MEIS2: variants seen among roughly 807,000 people sequenced by gnomAD.
MEIS2 encodes the protein Meis homeobox 2, also known as homeobox protein Meis2.
In MEIS2, 9 loss-of-function variants were observed where a neutral mutation model predicts 58.6. The observed-to-expected ratio is 0.15, with a 90% CI of 0.09 to 0.27. The LOEUF is 0.27. Among genes scored for constraint, MEIS2 ranks in the 10% least tolerant of loss-of-function variants. The pLI is 1.00. For missense variants in MEIS2, 427 were observed against 635.0 expected, an observed-to-expected ratio of 0.67 and a Z score of 3.52; for synonymous variants, 221 against 228.4, an observed-to-expected ratio of 0.97 and a Z score of 0.29.
At position 37,098,219 on chromosome 15, in the gene MEIS2, G is replaced by A; in HGVS notation, c.13-20C>T. 6.4e-7 allele frequency: 1 copy of A among 1,569,754 alleles called. No individual in the cohort carries two copies. Among genetic ancestry groups the A allele is most frequent in the Non-Finnish European group, 8.7e-7 (1 of 1,152,970 alleles). Reference sequence around the variant, plus strand: ...ATCGTACTGTCAGAACCCGGGAAGGGGGAGGGGGCGCAGGAGGTGAGGGAG... The same window carrying A: ...ATCGTACTGTCAGAACCCGGGAAGGAGGAGGGGGCGCAGGAGGTGAGGGAG... On this transcript the variant is annotated intron_variant, in intron 1 of 11. Transcript: ENST00000561208.
At chr15:37,013,673 C>T (rs2061246476) in intron 8 of MEIS2, among the ~76,000 whole-genome samples, 2 of 150,616 alleles carry the variant, frequency 1.3e-5, no homozygotes, top group South Asian at 4.2e-4. Context: ...TCAATGAATT[C>T]AGAGCTTTGG....
chr15:36,952,485 A>T (rs1291608118), intron 8 of MEIS2, among the ~76,000 whole-genome samples: 2 of 152,070 alleles, frequency 1.3e-5, no homozygotes, highest in African/African-American at 4.8e-5. Flanking sequence ...CTGTTTCTTT[A>T]TGCAGTGTTT....
chr15:37,009,199 G>T (rs1337346708), intron 8 of MEIS2, among the ~76,000 whole-genome samples: 1 of 152,142 alleles, frequency 6.6e-6, no homozygotes, highest in African/African-American at 2.4e-5. Flanking sequence ...TGAGGCAAGA[G>T]AATGGCATGA....
At chr15:36,897,810 A>G (rs1294912576) in intron 9 of MEIS2, 2 of 152,184 alleles carry the variant, frequency 1.3e-5, no homozygotes, top group Non-Finnish European at 2.9e-5. Flanking sequence ...GATCTTAAGC[A>G]CAGGGGGACT....
chr15:36,952,450 T>G (rs1034982473), intron 8 of MEIS2, among the ~76,000 whole-genome samples: 7 of 152,164 alleles, frequency 4.6e-5, no homozygotes, highest in African/African-American at 1.7e-4. Flanking sequence ...TATCTAGATC[T>G]GCATTGGTAA....
At chr15:36,933,028 T>C (rs1199942067) in intron 9 of MEIS2, among the ~76,000 whole-genome samples, 1 of 152,106 alleles carries the variant, frequency 6.6e-6, no homozygotes, top group East Asian at 1.9e-4. Context: ...ACACACGCTA[T>C]GTTTGGGCCC....
chr15:36,976,305 CG>C (rs1308179682), intron 8 of MEIS2, among the ~76,000 whole-genome samples: 3 of 151,698 alleles, frequency 2.0e-5, no homozygotes, highest in African/African-American at 4.8e-5. Flanking sequence ...AGGCTGGTCT[CG>C]AACTCCTGAC....
chr15:36,889,811 T>C lies in MEIS2; in HGVS notation c.*2362A>G, dbSNP rs1166083020. On this transcript the variant is annotated 3_prime_UTR_variant, in exon 12 of 12. Transcript: ENST00000561208. ...AGTAAAAATAGGCAAATATTTAAAA[T>C]TTACAAAAAGACTTCATGTAAAATA... 3 of 152,138 alleles carry C rather than the reference T, an allele frequency of 2.0e-5. No homozygotes were observed. Among genetic ancestry groups the C allele is most frequent in the African/African-American group, 7.2e-5 (3 of 41,452 alleles). The allele number at this position is 152,138 out of a possible 1,614,324, so 9.4% of individuals were successfully genotyped here. A position where few individuals can be genotyped will look rare whatever the true frequency, so the allele number is the denominator to read the frequency against.
intron 8 of MEIS2, among the ~76,000 whole-genome samples, chr15:36,983,817 C>A (rs1027816560): frequency 5.3e-5 from 8 of 152,016 alleles, no homozygotes; most frequent in Non-Finnish European, 2.9e-5. Flanking sequence ...TTGTCAACTT[C>A]TTTCATCCAT....
At chr15:37,038,324 C>A (rs1467982052) in intron 7 of MEIS2, among the ~76,000 whole-genome samples, 1 of 152,220 alleles carries the variant, frequency 6.6e-6, no homozygotes, top group Middle Eastern at 3.2e-3. Context: ...GCACAGCCAT[C>A]CTGCCCACTG....
intron 9 of MEIS2, among the ~76,000 whole-genome samples, chr15:36,900,699 T>C (rs8040246): frequency 0.053 from 8,087 of 152,214 alleles, 746 homozygotes; most frequent in African/African-American, 0.18. Flanking sequence ...TCTCCTGTCC[T>C]CAGAAAGTCT....
chr15:36,965,515 C>T (rs191818271), intron 8 of MEIS2, among the ~76,000 whole-genome samples: 1 of 152,238 alleles, frequency 6.6e-6, no homozygotes, highest in African/African-American at 2.4e-5. Context: ...CACAAGTGGC[C>T]TATAACATTT....
chr15:37,077,303 T>C (rs1467217321), intron 7 of MEIS2, among the ~76,000 whole-genome samples: 1 of 152,074 alleles, frequency 6.6e-6, no homozygotes, highest in African/African-American at 2.4e-5. Context: ...TCCCTGATTA[T>C]GGCGTTAAAA....
rs528295730 is a variant in MEIS2 at position 37,063,849 on chromosome 15, G to A, written c.754+19922C>T. Reference sequence around the variant, plus strand: ...TCCTAATAGCATATGACACTATAAAGAAGCCATGAAAAATGAACTAATATA... The same window carrying A: ...TCCTAATAGCATATGACACTATAAAAAAGCCATGAAAAATGAACTAATATA... On this transcript the variant is annotated intron_variant, in intron 7 of 11. Transcript: ENST00000561208. Among the ~76,000 whole-genome samples, 10 of 152,192 alleles carry A rather than the reference G, an allele frequency of 6.6e-5. No individual in the cohort carries two copies. The South Asian group carries it at 8.3e-4, about 13-fold the overall frequency.
rs1046527513 is a variant in MEIS2 at position 37,065,000 on chromosome 15, G to A, written c.754+18771C>T. On this transcript the variant is annotated intron_variant, in intron 7 of 11. Transcript: ENST00000561208. Reference sequence around the variant, plus strand: ...GAAAACTTTGAACATAGGATACTACGTGATTTTGAAATTATGCTGAAATAT... The same window carrying A: ...GAAAACTTTGAACATAGGATACTACATGATTTTGAAATTATGCTGAAATAT... Among the ~76,000 whole-genome samples the A allele has an allele frequency of 3.9e-5, 6 of 152,250 alleles. No homozygotes were observed. The East Asian group carries it at 7.7e-4, about 20-fold the overall frequency.
intron 3 of MEIS2, 166 bp from the exon 4 acceptor site, chr15:37,095,780 A>G: frequency 1.1e-6 from 1 of 940,156 alleles, no homozygotes; most frequent in Non-Finnish European, 1.6e-6. Flanking sequence ...CCTGAAGAAG[A>G]ATCAGGGCAT....
At chr15:36,976,251 A>AT (rs760349884) in intron 8 of MEIS2, among the ~76,000 whole-genome samples, 19 of 151,592 alleles carry the variant, frequency 1.3e-4, no homozygotes, top group Non-Finnish European at 1.3e-4. Flanking sequence ...TGCCCAGCTA[A>AT]TTTTTTGTAT....
intron 8 of MEIS2, among the ~76,000 whole-genome samples, chr15:36,988,217 G>T (rs1327484231): frequency 6.6e-6 from 1 of 152,260 alleles, no homozygotes; most frequent in South Asian, 2.1e-4. Flanking sequence ...CTATATATAT[G>T]TGTATCAAAA....
chr15:36,940,215 A>C (rs891616181), intron 9 of MEIS2, among the ~76,000 whole-genome samples: 7 of 152,078 alleles, frequency 4.6e-5, no homozygotes, highest in African/African-American at 7.2e-5. Flanking sequence ...AACCTAGCAA[A>C]TCTTTCAAAT....
Sources: allele counts gnomAD v4.1 joint callset (sites outside exome capture counted in the v4.1 genomes callset), GRCh38; gene constraint gnomAD v4.1.1; transcripts MANE v1.5; gene names NCBI Gene and HGNC (gene_info 2026-07-23, HGNC 2026-07-21).